The following FUT8 variants were observed in gnomAD, a reference collection of about 807,000 sequenced individuals.
FUT8 encodes fucosyltransferase 8.
Under a neutral mutation model 71.3 loss-of-function variants are expected in FUT8, and 29 were observed. The observed-to-expected ratio is 0.41, with a 90% CI of 0.30 to 0.55. FUT8 has a LOEUF of 0.55. Among genes scored for constraint, FUT8 ranks in the 20% least tolerant of loss-of-function variants. FUT8 has a pLI of 0.34. For synonymous variants in FUT8, 254 were observed against 239.3 expected (o/e 1.06, Z -0.57); for missense variants, 544 against 702.1 (o/e 0.77, Z 2.55).
chr14:65,488,641 C>G (rs978145912), intron 2 of FUT8: 5 of 152,208 alleles, frequency 3.3e-5, no homozygotes, highest in African/African-American at 1.2e-4. Flanking sequence ...TCTTTATCCT[C>G]TTTAAATATG....
intron 2 of FUT8, among the ~76,000 whole-genome samples, chr14:65,464,243 T>TTGGTCAG (rs2066008004): frequency 1.3e-5 from 2 of 149,486 alleles, no homozygotes; most frequent in African/African-American, 4.9e-5. Context: ...CAGGAGTTTG[T>TTGGTCAG]TGGTCAGTAC....
chr14:65,587,167 C>T (rs1183526385), intron 3 of FUT8, among the ~76,000 whole-genome samples: 5 of 144,222 alleles, frequency 3.5e-5, no homozygotes, highest in African/African-American at 7.8e-5. Flanking sequence ...CCAGCCTGGG[C>T]GACAGAGCGA....
the FUT8 span, among the ~76,000 whole-genome samples, chr14:65,375,965 C>T: frequency 6.6e-6 from 1 of 151,904 alleles, no homozygotes; most frequent in Admixed American, 6.6e-5. Context: ...GTGGCGCATG[C>T]CTGTAATCCC....
intron 2 of FUT8, among the ~76,000 whole-genome samples, chr14:65,512,588 A>G (rs1399745342): frequency 2.0e-5 from 3 of 151,950 alleles, no homozygotes; most frequent in Non-Finnish European, 4.4e-5. Flanking sequence ...GAGATATGAA[A>G]GTAACTTAGG....
intron 10 of FUT8, among the ~76,000 whole-genome samples, chr14:65,736,144 T>C (rs1231265275): frequency 3.9e-5 from 6 of 152,106 alleles, no homozygotes; most frequent in African/African-American, 1.4e-4. Flanking sequence ...TGGTTTATTT[T>C]TCTACATGTG....
Position 65,413,009 on chromosome 14 carries a change from C to G in FUT8, c.-531C>G, listed in dbSNP as rs1401072910. 6.5e-6 allele frequency: 1 copy of G among 153,718 alleles called. No homozygotes were observed. Among genetic ancestry groups the G allele is most frequent in the Non-Finnish European group, 1.4e-5 (1 of 69,016 alleles). 9.5% of individuals were successfully genotyped at this position (153,718 alleles called of 1,614,324 possible). A position where few individuals can be genotyped will look rare whatever the true frequency, so the allele number is the denominator to read the frequency against. On this transcript the variant is annotated 5_prime_UTR_variant, in exon 1 of 11. Transcript: ENST00000673929. This position sits in a 1 kb window ranked among gnomAD's most constrained non-coding sequence, Gnocchi z 4.1. The stretch of plus-strand genomic sequence containing the variant: ...ACTGCCCGGCTCGCGCCGCCTCGCG[C>G]TCTGCCTCAGTCAGTGGCGCCGAAG...
Position 65,472,803 on chromosome 14 carries a change from T to A in FUT8, c.-228+17085T>A, listed in dbSNP as rs1187553615. The stretch of plus-strand genomic sequence containing the variant: ...CAGAATAAGGTAATGTTTATTCTTA[T>A]TTTTTTTGTGATATGGTAAAAAACT... On this transcript the variant is annotated intron_variant, in intron 2 of 10. Coordinates refer to ENST00000673929, the MANE Select transcript of FUT8 (RefSeq NM_001371533.1). This position sits in a 1 kb window ranked among gnomAD's most constrained non-coding sequence, Gnocchi z 4.4. Among the ~76,000 whole-genome samples, 1 of 151,860 alleles carries A rather than the reference T, an allele frequency of 6.6e-6. No homozygotes were observed. Among genetic ancestry groups the A allele is most frequent in the Non-Finnish European group, 1.5e-5 (1 of 67,932 alleles).
intron 2 of FUT8, among the ~76,000 whole-genome samples, chr14:65,509,881 C>T (rs745490179): frequency 2.0e-5 from 3 of 152,090 alleles, no homozygotes; most frequent in Non-Finnish European, 4.4e-5. Context: ...CATCTGCAAA[C>T]AAGGATAAGT....
rs1042188508 is a variant in FUT8 at position 65,669,710 on chromosome 14, G to C, written c.835+230G>C. Reference sequence around the variant, plus strand: ...TATGTGAATTTAGCAAAATCACTGAGTTTTTTTCAGGGAGCATAATTTAAT... The same window carrying C: ...TATGTGAATTTAGCAAAATCACTGACTTTTTTTCAGGGAGCATAATTTAAT... On this transcript the variant is annotated intron_variant, in intron 7 of 10. Transcript: ENST00000673929. This position sits in a 1 kb window ranked among gnomAD's most constrained non-coding sequence, Gnocchi z 4.5. 2.0e-5 allele frequency among the ~76,000 whole-genome samples: 3 copies of C among 151,966 alleles called. No homozygotes were observed. Among genetic ancestry groups the C allele is most frequent in the African/African-American group, 7.3e-5 (3 of 41,358 alleles).
At chr14:65,378,006 A>G in the FUT8 span, among the ~76,000 whole-genome samples, 2,408 of 152,318 alleles carry the variant, frequency 0.016, 52 homozygotes, top group East Asian at 0.095. Context: ...GATGAGGGGC[A>G]GAGGGAGAGC....
chr14:65,450,593 T>C (rs2065806469), intron 1 of FUT8, among the ~76,000 whole-genome samples: 1 of 152,172 alleles, frequency 6.6e-6, no homozygotes, highest in South Asian at 2.1e-4. Flanking sequence ...GCACTCTTGG[T>C]TGTATCTTTT....
intron 10 of FUT8, among the ~76,000 whole-genome samples, chr14:65,739,120 C>T (rs1325529701): frequency 6.6e-6 from 1 of 151,914 alleles, no homozygotes; most frequent in Admixed American, 6.6e-5. Flanking sequence ...AATAATAGTA[C>T]CTCACAGGTT....
chr14:65,423,754 CTT>C (rs1418086713), intron 1 of FUT8, among the ~76,000 whole-genome samples: 1 of 152,180 alleles, frequency 6.6e-6, no homozygotes, highest in Non-Finnish European at 1.5e-5. Flanking sequence ...TGTATAATGA[CTT>C]TGCTTTTTCT....
intron 5 of FUT8, among the ~76,000 whole-genome samples, chr14:65,621,860 T>C (rs1234045379): frequency 1.3e-5 from 2 of 152,106 alleles, no homozygotes; most frequent in African/African-American, 4.8e-5. Flanking sequence ...AGTCTCGCTG[T>C]GTCATCCAGG....
In FUT8 at chr14:65,427,104, C is replaced by T. The variant is rs189529331; in HGVS notation, c.-326+13890C>T. Among the ~76,000 whole-genome samples, 22 of 152,232 alleles carry T rather than the reference C, an allele frequency of 1.4e-4. No homozygotes were observed. In the East Asian group the frequency reaches 1.5e-3, roughly 11 times the overall value. On this transcript the variant is annotated intron_variant, in intron 1 of 10. Transcript: ENST00000673929. ...ATCTCAATCTCCTGACCTCGTGATC[C>T]GCCCGCCTTGGCCTCCTGAAGTGCT...
chr14:65,698,992 A>G (rs1353289209), intron 7 of FUT8, among the ~76,000 whole-genome samples: 1 of 152,134 alleles, frequency 6.6e-6, no homozygotes, highest in East Asian at 1.9e-4. Context: ...CTGAAAGCCA[A>G]AGATTTTCTG....
intron 7 of FUT8, among the ~76,000 whole-genome samples, chr14:65,687,795 G>A (rs998222319): frequency 2.0e-5 from 3 of 151,788 alleles, no homozygotes; most frequent in Admixed American, 2.0e-4. Context: ...GTGCAGTGGT[G>A]CGATCATAGC....
At chr14:65,738,945 G>T (rs934445873) in intron 10 of FUT8, among the ~76,000 whole-genome samples, 4 of 152,060 alleles carry the variant, frequency 2.6e-5, no homozygotes, top group Non-Finnish European at 5.9e-5. Flanking sequence ...TTTGTGGCAG[G>T]CATTGTTCTA....
At chr14:65,576,603 A>G (rs913044780) in intron 3 of FUT8, among the ~76,000 whole-genome samples, 3 of 148,456 alleles carry the variant, frequency 2.0e-5, no homozygotes, top group Admixed American at 6.7e-5. Context: ...ATCATGGCTC[A>G]CTGCAGCTTC....
Sources: gnomAD v4.1 joint callset for allele counts (sites outside exome capture counted in the v4.1 genomes callset) on GRCh38, gnomAD v4.1.1 for gene constraint, Gnocchi (gnomAD v3.1) non-coding constraint, MANE v1.5 for transcripts, NCBI Gene and HGNC (gene_info 2026-07-23, HGNC 2026-07-21) for gene names.